STK32A: variants seen among roughly 807,000 people sequenced by gnomAD.
STK32A encodes the protein serine/threonine-protein kinase 32A.
In STK32A, 41 loss-of-function variants were observed where a neutral mutation model predicts 53.2. That is an observed-to-expected ratio of 0.77 (90% CI 0.60 to 1.00). The LOEUF is 1.00. Ranked by LOEUF, STK32A falls within the 50% of genes least tolerant of loss-of-function variation. The pLI is 0.00. For missense variants in STK32A, 458 were observed against 485.8 expected (o/e 0.94, Z 0.54); for synonymous variants, 166 against 162.8 (o/e 1.02, Z -0.15).
At chr5:147,378,387 G>A (rs182800965) in intron 11 of STK32A, among the ~76,000 whole-genome samples, 131 of 152,200 alleles carry the variant, frequency 8.6e-4, no homozygotes, top group African/African-American at 3.1e-3. Flanking sequence ...AAAATGACAG[G>A]TGGTTTCTGA....
chr5:147,282,693 C>A (rs1266302729), intron 4 of STK32A, among the ~76,000 whole-genome samples: 3 of 152,008 alleles, frequency 2.0e-5, no homozygotes, highest in Non-Finnish European at 2.9e-5. Context: ...AAAAGAGAGA[C>A]AAAGAGGGAC....
In STK32A at chr5:147,270,489, C is replaced by T. The variant is rs549916238; in HGVS notation, c.53-7635C>T. ...TCAGCCTCTCAAAGTGCTAGAATTA[C>T]AGGTATGAACCACTGAGCCTGGCTT... On this transcript the variant is annotated intron_variant, in intron 2 of 12. Transcript: ENST00000397936. Among the ~76,000 whole-genome samples the T allele has an allele frequency of 3.8e-4, 58 of 152,246 alleles. No individual in the cohort carries two copies. The South Asian group carries it at 8.9e-3, about 23-fold the overall frequency.
At chr5:147,340,644 C>A (rs1028877304) in intron 5 of STK32A, among the ~76,000 whole-genome samples, 1 of 152,154 alleles carries the variant, frequency 6.6e-6, no homozygotes, top group Non-Finnish European at 1.5e-5. Context: ...TTTGGAGAAA[C>A]TATATAGTTA....
intron 4 of STK32A, among the ~76,000 whole-genome samples, chr5:147,296,893 A>T (rs1752892326): frequency 6.6e-6 from 1 of 152,120 alleles, no homozygotes; most frequent in East Asian, 1.9e-4. Context: ...TCTTGGTGAG[A>T]TGACTGACAT....
chr5:147,377,209 G>T (rs1179047711), intron 11 of STK32A, among the ~76,000 whole-genome samples: 1 of 151,926 alleles, frequency 6.6e-6, no homozygotes, highest in Non-Finnish European at 1.5e-5. Context: ...TTTTTTAAGA[G>T]TTTGTTGTTT....
In STK32A at chr5:147,301,887, G is replaced by T. The variant is rs138546525; in HGVS notation, c.261-22011G>T. Among the ~76,000 whole-genome samples, 18 of 152,122 alleles carry T rather than the reference G, an allele frequency of 1.2e-4. No individual in the cohort carries two copies. The East Asian group carries it at 3.3e-3, about 28-fold the overall frequency. The stretch of plus-strand genomic sequence containing the variant: ...GCTTCTTGAGGCTGCCTGTATTCTC[G>T]GCTTGTGGCCCCTTCCTTTATCTTC... On this transcript the variant is annotated intron_variant, in intron 4 of 12. Coordinates refer to ENST00000397936, the MANE Select transcript of STK32A (RefSeq NM_001112724.2).
At chr5:147,335,175 C>T (rs918824052) in intron 5 of STK32A, among the ~76,000 whole-genome samples, 7 of 152,106 alleles carry the variant, frequency 4.6e-5, no homozygotes, top group South Asian at 2.1e-4. Flanking sequence ...TACTATACTA[C>T]GAGTTTTACA....
At chr5:147,358,290 T>A (rs1756347987) in intron 7 of STK32A, among the ~76,000 whole-genome samples, 1 of 152,118 alleles carries the variant, frequency 6.6e-6, no homozygotes, top group Non-Finnish European at 1.5e-5. Context: ...TTGCCAAGTG[T>A]GGGTAAGGAT....
chr5:147,370,352 T>A (rs1756954354), intron 8 of STK32A, among the ~76,000 whole-genome samples: 1 of 152,196 alleles, frequency 6.6e-6, no homozygotes, highest in Non-Finnish European at 1.5e-5. Flanking sequence ...CAATTTCAAA[T>A]CAGCATCTCA....
intron 4 of STK32A, among the ~76,000 whole-genome samples, chr5:147,305,213 GA>G (rs1307133701): frequency 6.6e-6 from 1 of 152,096 alleles, no homozygotes; most frequent in Non-Finnish European, 1.5e-5. Flanking sequence ...GAAGGGTGAG[GA>G]AAACATTTAT....
intron 6 of STK32A, among the ~76,000 whole-genome samples, chr5:147,349,367 G>A (rs576786431): frequency 7.2e-5 from 11 of 152,290 alleles, no homozygotes; most frequent in African/African-American, 2.4e-4. Flanking sequence ...GTGGACTGTG[G>A]GCCCTGGAAG....
intron 11 of STK32A, chr5:147,375,786 T>C (rs1757209019): frequency 6.6e-6 from 1 of 152,274 alleles, no homozygotes; most frequent in African/African-American, 2.4e-5. Context: ...TGTAACTAAG[T>C]ATATTATTCT....
chr5:147,237,019 T>A (rs1030278465), intron 1 of STK32A, among the ~76,000 whole-genome samples: 1 of 152,052 alleles, frequency 6.6e-6, no homozygotes, highest in African/African-American at 2.4e-5. Flanking sequence ...TCCTTAAAAT[T>A]AATGTTCTCC....
At chr5:147,365,743 C>T (rs1411265523) in intron 8 of STK32A, among the ~76,000 whole-genome samples, 3 of 152,096 alleles carry the variant, frequency 2.0e-5, no homozygotes, top group Non-Finnish European at 2.9e-5. Flanking sequence ...TCTTTTATGA[C>T]ACACCTAGCA....
At chr5:147,272,569 A>G (rs6877196) in intron 2 of STK32A, among the ~76,000 whole-genome samples, 99,511 of 151,826 alleles carry the variant, frequency 0.66, 32,992 homozygotes, top group African/African-American at 0.75. Context: ...ATAGTATGTT[A>G]CTATTGCTGT....
intron 8 of STK32A, among the ~76,000 whole-genome samples, chr5:147,365,351 C>T (rs1460650059): frequency 6.6e-6 from 1 of 152,156 alleles, no homozygotes; most frequent in Non-Finnish European, 1.5e-5. Context: ...CCTGCCTTTC[C>T]TGAGGAAGTC....
At chr5:147,347,473 C>A (rs1477226368) in intron 6 of STK32A, among the ~76,000 whole-genome samples, 1 of 152,146 alleles carries the variant, frequency 6.6e-6, no homozygotes, top group Non-Finnish European at 1.5e-5. Context: ...TTGGTAATTT[C>A]TGGAGACATT....
chr5:147,362,899 A>G (rs1436636681), intron 8 of STK32A, among the ~76,000 whole-genome samples: 1 of 151,872 alleles, frequency 6.6e-6, no homozygotes, highest in East Asian at 1.9e-4. Flanking sequence ...CCTGGGCCAC[A>G]TGGGAGACCC....
At chr5:147,304,841 A>C (rs1753325137) in intron 4 of STK32A, among the ~76,000 whole-genome samples, 1 of 152,132 alleles carries the variant, frequency 6.6e-6, no homozygotes, top group Admixed American at 6.6e-5. Context: ...TGAGAAGATA[A>C]ATATTGTGAC....
Sources: allele counts gnomAD v4.1 joint callset (sites outside exome capture counted in the v4.1 genomes callset), GRCh38; gene constraint gnomAD v4.1.1; transcripts MANE v1.5; gene names NCBI Gene and HGNC (gene_info 2026-07-23, HGNC 2026-07-21).